Variants in NXPH2 observed in about 807,000 individuals in gnomAD.
The protein encoded by NXPH2 is neurexophilin 2, also known as neurexophilin-2.
A neutral mutation model predicts 19.8 loss-of-function variants in NXPH2; 5 were observed. The observed-to-expected ratio is 0.25, with a 90% CI of 0.13 to 0.53. The LOEUF (loss-of-function observed/expected upper bound fraction) is 0.53. Among genes scored for constraint, NXPH2 ranks in the 20% least tolerant of loss-of-function variants. NXPH2 has a pLI of 0.96. For missense variants in NXPH2, 289 were observed against 322.8 expected (o/e 0.90, Z 0.80); for synonymous variants, 154 against 127.4 (o/e 1.21, Z -1.41).
At chr2:138,741,721 T>C (rs1275270871) in intron 1 of NXPH2, among the ~76,000 whole-genome samples, 1 of 152,324 alleles carries the variant, frequency 6.6e-6, no homozygotes, top group South Asian at 2.1e-4. Context: ...ACATACTTTC[T>C]GCAGTGGTTA....
At chr2:138,720,710 A>G (rs1188162623) in intron 1 of NXPH2, among the ~76,000 whole-genome samples, 1 of 152,198 alleles carries the variant, frequency 6.6e-6, no homozygotes, top group Non-Finnish European at 1.5e-5. Flanking sequence ...GCGCTGTGGC[A>G]AGAAAATACG....
At chr2:138,726,413 A>G (rs569301109) in intron 1 of NXPH2, among the ~76,000 whole-genome samples, 2 of 152,248 alleles carry the variant, frequency 1.3e-5, no homozygotes, top group Admixed American at 6.5e-5. Context: ...AGATGCAGAA[A>G]TTGTGTTACT....
intron 1 of NXPH2, among the ~76,000 whole-genome samples, chr2:138,689,383 G>C (rs72860162): frequency 6.6e-6 from 1 of 152,114 alleles, no homozygotes; most frequent in Non-Finnish European, 1.5e-5. Context: ...ATGCAAGAAT[G>C]GTTCTGGAAA....
chr2:138,774,299 G>A (rs1682224550), intron 1 of NXPH2, among the ~76,000 whole-genome samples: 1 of 152,066 alleles, frequency 6.6e-6, no homozygotes, highest in African/African-American at 2.4e-5. Context: ...TGTTAAATAA[G>A]TGCTCATCAA....
chr2:138,707,100 A>AAAAAAAAAAAAAAAAAAAAAAAAG, intron 1 of NXPH2, among the ~76,000 whole-genome samples: 1 of 145,096 alleles, frequency 6.9e-6, no homozygotes, highest in Admixed American at 7.0e-5. Context: ...ATGACAAAAA[A>AAAAAAAAAAAAAAAAAAAAAAAAG]AAAAAAAAAA....
chr2:138,716,590 G>A (rs1337372377), intron 1 of NXPH2, among the ~76,000 whole-genome samples: 1 of 152,192 alleles, frequency 6.6e-6, no homozygotes, highest in Non-Finnish European at 1.5e-5. Context: ...TTGTGGTATT[G>A]TTGTTACAGC....
chr2:138,685,778 G>C (rs1015086478), intron 1 of NXPH2, among the ~76,000 whole-genome samples: 1 of 152,166 alleles, frequency 6.6e-6, no homozygotes, highest in Non-Finnish European at 1.5e-5. Context: ...TCTATATAAG[G>C]TTACTTGATG....
intron 1 of NXPH2, among the ~76,000 whole-genome samples, chr2:138,720,428 C>T (rs34641325): frequency 0.24 from 36,204 of 152,186 alleles, 5,071 homozygotes; most frequent in East Asian, 0.53. Flanking sequence ...GGCATTTCTT[C>T]GGCTGCTCTG....
intron 1 of NXPH2, among the ~76,000 whole-genome samples, chr2:138,708,453 G>A (rs1008316377): frequency 1.3e-5 from 2 of 152,234 alleles, no homozygotes; most frequent in African/African-American, 4.8e-5. Context: ...GGAAGAAGAT[G>A]TAATGTGATT....
intron 1 of NXPH2, among the ~76,000 whole-genome samples, chr2:138,739,016 T>C (rs998102851): frequency 6.6e-6 from 1 of 152,298 alleles, no homozygotes; most frequent in Non-Finnish European, 1.5e-5. Context: ...TTATTTTTTT[T>C]TGAGAGGGGA....
At chr2:138,719,399 C>T (rs748701874) in intron 1 of NXPH2, among the ~76,000 whole-genome samples, 18 of 152,120 alleles carry the variant, frequency 1.2e-4, no homozygotes, top group African/African-American at 2.4e-4. Context: ...AGGAGTCTTT[C>T]GGAATTTACT....
At chr2:138,692,178 T>A (rs1457414650) in intron 1 of NXPH2, among the ~76,000 whole-genome samples, 1 of 152,180 alleles carries the variant, frequency 6.6e-6, no homozygotes, top group East Asian at 1.9e-4. Context: ...AAGCCTGGGA[T>A]CTGCCTAAAT....
intron 1 of NXPH2, among the ~76,000 whole-genome samples, chr2:138,676,179 C>T (rs1479226311): frequency 2.0e-5 from 3 of 152,146 alleles, no homozygotes; most frequent in Non-Finnish European, 2.9e-5. Flanking sequence ...AAAAAGCTAT[C>T]TGACAGTGGT....
At chr2:138,740,291 C>G (rs1681622248) in intron 1 of NXPH2, among the ~76,000 whole-genome samples, 1 of 152,172 alleles carries the variant, frequency 6.6e-6, no homozygotes, top group Non-Finnish European at 1.5e-5. Context: ...AAAGAGTTAA[C>G]AACATGAAGT....
intron 1 of NXPH2, among the ~76,000 whole-genome samples, chr2:138,731,137 C>T: frequency 6.6e-6 from 1 of 152,170 alleles, no homozygotes; most frequent in Admixed American, 6.5e-5. Flanking sequence ...TCTGCTGCCT[C>T]CATTGTGCTG....
chr2:138,689,570 A>G (rs1680714938), intron 1 of NXPH2, among the ~76,000 whole-genome samples: 1 of 152,192 alleles, frequency 6.6e-6, no homozygotes, highest in African/African-American at 2.4e-5. Context: ...AATTATTCAG[A>G]TCAGTCCCAG....
intron 1 of NXPH2, among the ~76,000 whole-genome samples, chr2:138,779,345 T>A (rs929539917): frequency 6.6e-6 from 1 of 152,214 alleles, no homozygotes; most frequent in South Asian, 2.1e-4. Context: ...ACTTTGGTTT[T>A]CCCTCAACTA....
intron 1 of NXPH2, among the ~76,000 whole-genome samples, chr2:138,683,853 A>G (rs1680611406): frequency 6.6e-6 from 1 of 152,354 alleles, no homozygotes; most frequent in African/African-American, 2.4e-5. Flanking sequence ...TTTCTTAGAT[A>G]CATAGTACAG....
At chr2:138,775,546 T>C (rs1452335661) in intron 1 of NXPH2, among the ~76,000 whole-genome samples, 1 of 152,128 alleles carries the variant, frequency 6.6e-6, no homozygotes, top group Non-Finnish European at 1.5e-5. Flanking sequence ...TAATTAAAAA[T>C]ACTTATGACG....
Sources: gnomAD v4.1 joint callset for allele counts (sites outside exome capture counted in the v4.1 genomes callset) on GRCh38, gnomAD v4.1.1 for gene constraint, MANE v1.5 for transcripts, NCBI Gene and HGNC (gene_info 2026-07-23, HGNC 2026-07-21) for gene names.